Variants in TPPP observed in about 807,000 individuals in gnomAD.
TPPP encodes the protein tubulin polymerization-promoting protein.
Under a neutral mutation model 15.5 loss-of-function variants are expected in TPPP, and 6 were observed. That is an observed-to-expected ratio of 0.39 (90% CI 0.21 to 0.77). The LOEUF (loss-of-function observed/expected upper bound fraction) is 0.77. TPPP is among the 30% of genes least tolerant of loss of function. The pLI, the probability that TPPP is intolerant of heterozygous loss-of-function variation, is 0.42. For missense variants in TPPP, 269 were observed against 307.2 expected (o/e 0.88, Z 0.93); for synonymous variants, 146 against 133.9 (o/e 1.09, Z -0.63).
chr5:670,341 C>G (rs1332404912), intron 2 of TPPP, among the ~76,000 whole-genome samples: 1 of 152,190 alleles, frequency 6.6e-6, no homozygotes, highest in African/African-American at 2.4e-5. Flanking sequence ...CTCTCTGGGC[C>G]TGCAGCTGCT....
At chr5:667,902 G>A (rs532409195) in intron 2 of TPPP, among the ~76,000 whole-genome samples, 3 of 66,332 alleles carry the variant, frequency 4.5e-5, no homozygotes, top group African/African-American at 1.2e-4. Flanking sequence ...CCGTGTGGGC[G>A]CCGTCAGGGA....
At position 677,911 on chromosome 5, in the gene TPPP, G is replaced by A; in HGVS notation, c.150C>T (p.Ala50=). ...EGAAASPELS[A]LEEAFRRFAV... ...CAAAGCGCCGGAAGGCCTCCTCCAG[G>A]GCACTGAGCTCAGGGGATGCGGCTG... Residue 50 remains alanine (A), a synonymous_variant, in exon 2 of 4, where the codon GCC becomes GCT. Coordinates refer to ENST00000360578, the MANE Select transcript of TPPP (RefSeq NM_007030.3). 3.1e-6 allele frequency: 5 copies of A among 1,612,784 alleles called. No homozygotes were observed. The highest frequency in any genetic ancestry group is 4.2e-6 in the Non-Finnish European group (5 of 1,179,874).
intron 2 of TPPP, among the ~76,000 whole-genome samples, chr5:668,123 G>A (rs1210656274): frequency 2.5e-5 from 3 of 118,232 alleles, no homozygotes; most frequent in South Asian, 3.3e-4. Flanking sequence ...ACAAGCACAC[G>A]GAGAGGGGTC....
At chr5:697,836 G>T (rs1323076794), upstream of TPPP, among the ~76,000 whole-genome samples, 18 of 147,204 alleles carry the variant, frequency 1.2e-4, 1 homozygote, top group Non-Finnish European at 2.5e-4. Context: ...CTCATTCTAT[G>T]AGGCCAGTAT....
In TPPP at chr5:665,289, A is replaced by C; in HGVS notation, c.473T>G (p.Ile158Ser). ...GAGCCTCGACACTGTGGGCGACGAG[A>C]TGGCTTTCTGCAAGAGGAGCAGGAG... ...APIISGVTKA[I>S]SSPTVSRLTD... The change falls in exon 4 of 4, where the codon ATC becomes AGC. Residue 158 changes from isoleucine (I) to serine (S), a missense_variant. By Grantham distance (142) the Ile-to-Ser change is moderately radical. Transcript: ENST00000360578. 6.2e-7 allele frequency: 1 copy of C among 1,612,706 alleles called. No individual in the cohort carries two copies. The highest frequency in any genetic ancestry group is 8.5e-7 in the Non-Finnish European group (1 of 1,179,570).
intron 2 of TPPP, 39 bp downstream of exon 2, chr5:677,711 T>C: frequency 6.6e-7 from 1 of 1,511,680 alleles, no homozygotes; most frequent in Non-Finnish European, 8.8e-7. Context: ...CAGACCCCCG[T>C]AAGTCAGGTC....
chr5:679,355 G>A (rs1275588547), intron 1 of TPPP, among the ~76,000 whole-genome samples: 7 of 150,354 alleles, frequency 4.7e-5, no homozygotes, highest in East Asian at 3.9e-4. Flanking sequence ...CCAACCCAGC[G>A]GAGGATGCAG....
intron 1 of TPPP, among the ~76,000 whole-genome samples, chr5:692,238 C>T (rs1740903155): frequency 7.3e-6 from 1 of 136,592 alleles, no homozygotes; most frequent in South Asian, 2.6e-4. Flanking sequence ...CAGTAGCCTC[C>T]CAACCACCTA....
At chr5:666,193 T>G in intron 2 of TPPP, 70 bp from the exon 3 acceptor site, 4 of 1,548,924 alleles carry the variant, frequency 2.6e-6, no homozygotes, top group Non-Finnish European at 3.5e-6. Flanking sequence ...CGCGTGGGTC[T>G]GAGCAGAGCT....
chr5:668,144 C>T (rs1427637280), intron 2 of TPPP, among the ~76,000 whole-genome samples: 5 of 124,116 alleles, frequency 4.0e-5, no homozygotes, highest in African/African-American at 1.4e-4. Flanking sequence ...CGCGTGGGCC[C>T]CGTCAGGGAA....
In TPPP at chr5:665,243, C is replaced by T. The variant is rs778130148; in HGVS notation, c.519G>A (p.Thr173=). The change falls in exon 4 of 4, where the codon ACG becomes ACA. Residue 173 remains threonine (T), a synonymous_variant. Coordinates refer to ENST00000360578, the MANE Select transcript of TPPP (RefSeq NM_007030.3). ...VSRLTDTTKF[T]GSHKERFDPS... is the part of the protein sequence containing the mutation. ...GGTCGAAGCGCTCCTTGTGGGAGCC[C>T]GTGAACTTGGTGGTGTCCGTGAGCC... 38 of 1,613,648 alleles carry T rather than the reference C, an allele frequency of 2.4e-5. No homozygotes were observed. The highest frequency in any genetic ancestry group is 2.7e-5 in the African/African-American group (2 of 74,908).
chr5:668,932 T>G (rs1021924233), intron 2 of TPPP, among the ~76,000 whole-genome samples: 3 of 152,172 alleles, frequency 2.0e-5, no homozygotes, highest in Non-Finnish European at 2.9e-5. Context: ...CGCTGGGTGA[T>G]TCCCAGACCC....
At position 665,146 on chromosome 5, in the gene TPPP, T is replaced by C; in HGVS notation, c.616A>G (p.Lys206Glu). ...TTCTGGTCGTAGGTGCCTGCGTGCT[T>C]GTAGCCGGACACATAGCCTGACTCG... ...VDESGYVSGY[K>E]HAGTYDQKVQ... Residue 206 changes from lysine (K) to glutamate (E), a missense_variant, in exon 4 of 4, where the codon AAG (lysine) becomes GAG (glutamate). By Grantham distance (56) the Lys-to-Glu change is moderately conservative. Coordinates refer to ENST00000360578, the MANE Select transcript of TPPP (RefSeq NM_007030.3). The C allele has an allele frequency of 6.2e-7, 1 of 1,613,164 alleles. No individual in the cohort carries two copies. Among genetic ancestry groups the C allele is most frequent in the Non-Finnish European group, 8.5e-7 (1 of 1,179,970 alleles).
At position 665,974 on chromosome 5, in the gene TPPP, A is replaced by AC; in HGVS notation, c.460dup (p.Val154GlyfsTer140). On this transcript the variant is annotated frameshift_variant, in exon 3 of 4. Coordinates refer to ENST00000360578, the MANE Select transcript of TPPP (RefSeq NM_007030.3). LOFTEE classifies it high-confidence loss of function. ...TTCCATCCCCGCCCTGCTCACCGTC[A>AC]CCCCTGAGATGATGGGCGCCTTGCC... The AC allele has an allele frequency of 7.8e-7, 1 of 1,289,726 alleles. No individual in the cohort carries two copies. The highest frequency in any genetic ancestry group is 2.0e-5 in the African/African-American group (1 of 50,696). 79.9% of individuals were successfully genotyped at this position (1,289,726 alleles called of 1,614,324 possible). A position where few individuals can be genotyped will look rare whatever the true frequency, so the allele number is the denominator to read the frequency against.
chr5:671,782 CAG>C, intron 2 of TPPP, among the ~76,000 whole-genome samples: 1 of 152,332 alleles, frequency 6.6e-6, no homozygotes, highest in East Asian at 1.9e-4. Context: ...TCCCCAAAGA[CAG>C]AACTGGCCCC....
chr5:669,266 G>T (rs568333740), intron 2 of TPPP, among the ~76,000 whole-genome samples: 1 of 139,204 alleles, frequency 7.2e-6, no homozygotes, highest in Admixed American at 7.1e-5. Flanking sequence ...CATCCCCCAG[G>T]GGGCGCTGGT....
upstream of TPPP, chr5:693,457 G>C (rs1313786755): frequency 2.8e-4 from 40 of 144,688 alleles, no homozygotes; most frequent in African/African-American, 9.8e-4. Flanking sequence ...CCCGCCCAGC[G>C]TCCCGCCCCG....
chr5:670,922 T>G (rs1249298998), intron 2 of TPPP, among the ~76,000 whole-genome samples: 1 of 152,158 alleles, frequency 6.6e-6, no homozygotes, highest in Non-Finnish European at 1.5e-5. Flanking sequence ...TCCCCTCATC[T>G]CAGGAAACCG....
chr5:679,142 G>C (rs529642243), intron 1 of TPPP, among the ~76,000 whole-genome samples: 1 of 152,304 alleles, frequency 6.6e-6, no homozygotes, highest in South Asian at 2.1e-4. Flanking sequence ...TCTCAGATCT[G>C]GAGTTCTCAG....
Sources: gnomAD v4.1 joint callset for allele counts (sites outside exome capture counted in the v4.1 genomes callset) on GRCh38, gnomAD v4.1.1 for gene constraint, MANE v1.5 for transcripts, NCBI Gene and HGNC (gene_info 2026-07-23, HGNC 2026-07-21) for gene names.